The following ZBTB45 variants were observed in gnomAD, a reference collection of about 807,000 sequenced individuals.
ZBTB45 encodes zinc finger and BTB domain-containing protein 45.
In ZBTB45, 22 loss-of-function variants were observed where a neutral mutation model predicts 28.4. The ratio of observed to expected loss-of-function variants is 0.77; its 90% CI spans 0.55 to 1.10. The LOEUF (loss-of-function observed/expected upper bound fraction) is 1.10. Ranked by LOEUF, ZBTB45 falls within the 50% of genes least tolerant of loss-of-function variation. ZBTB45 has a pLI of 0.00. For missense variants in ZBTB45, 656 were observed against 750.2 expected, an observed-to-expected ratio of 0.87 and a Z score of 1.47; for synonymous variants, 361 against 332.3, an observed-to-expected ratio of 1.09 and a Z score of -0.94.
upstream of ZBTB45, among the ~76,000 whole-genome samples, chr19:58,523,354 T>C (rs2053588472): frequency 6.6e-6 from 1 of 152,068 alleles, no homozygotes; most frequent in Admixed American, 6.5e-5. Flanking sequence ...GAGACCACCC[T>C]GGCCAACATG....
chr19:58,513,997 G>A lies in ZBTB45; in HGVS notation c.*57C>T. ...GAACCACGGGTCCCGCAGCGGGCGT[G>A]GCCGACTGTGCGGGAGGCCCCGGAT... On this transcript the variant is annotated 3_prime_UTR_variant, in exon 3 of 3. Transcript: ENST00000594051. The A allele has an allele frequency of 1.5e-6, 2 of 1,353,756 alleles. No individual in the cohort carries two copies. Among genetic ancestry groups the A allele is most frequent in the Non-Finnish European group, 1.9e-6 (2 of 1,058,976 alleles). The allele number at this position is 1,353,756 out of a possible 1,614,324, so 83.9% of individuals were successfully genotyped here.
chr19:58,529,573 T>C (rs1157074331), intron 1 of ZBTB45, among the ~76,000 whole-genome samples: 1 of 152,226 alleles, frequency 6.6e-6, no homozygotes, highest in African/African-American at 2.4e-5. Context: ...TGGAAACCAT[T>C]AACCTAACCT....
intron 1 of ZBTB45, among the ~76,000 whole-genome samples, chr19:58,534,406 A>T (rs994598478): frequency 3.0e-4 from 45 of 151,888 alleles, no homozygotes; most frequent in Admixed American, 7.2e-4. Flanking sequence ...TATTATTATT[A>T]TTTTTTGAGA....
chr19:58,531,585 A>G (rs1195099713), intron 1 of ZBTB45, among the ~76,000 whole-genome samples: 2 of 152,204 alleles, frequency 1.3e-5, no homozygotes, highest in Non-Finnish European at 2.9e-5. Context: ...AGCAAGCAAG[A>G]ACTGGGGCCA....
chr19:58,536,465 CAAAA>C (rs768760907), intron 1 of ZBTB45, among the ~76,000 whole-genome samples: 3 of 76,166 alleles, frequency 3.9e-5, no homozygotes, highest in Non-Finnish European at 2.7e-5. Context: ...GACGCCGTCT[CAAAA>C]AAAAAAAAAA....
chr19:58,516,697 CCTGGGGT>C lies in ZBTB45; in HGVS notation c.970_976del (p.Thr324GlyfsTer223). On this transcript the variant is annotated frameshift_variant, in exon 2 of 3. Coordinates refer to ENST00000594051, the MANE Select transcript of ZBTB45 (RefSeq NM_001316979.2). LOFTEE classifies it high-confidence loss of function. This position sits in a 1 kb window ranked among gnomAD's most constrained non-coding sequence, Gnocchi z 6.2. The stretch of plus-strand genomic sequence containing the variant: ...AAAGGGGAAGAGTGCAACGGGCGGC[CCTGGGGT>C]CTTCACACCAGGCGGGCGGGATCCA... 1 of 1,589,386 alleles carries C rather than the reference CCTGGGGT, an allele frequency of 6.3e-7. No homozygotes were observed. Among genetic ancestry groups the C allele is most frequent in the Non-Finnish European group, 8.6e-7 (1 of 1,166,924 alleles).
intron 1 of ZBTB45, among the ~76,000 whole-genome samples, chr19:58,536,832 G>T (rs909265329): frequency 5.3e-5 from 8 of 152,072 alleles, no homozygotes; most frequent in African/African-American, 1.9e-4. Context: ...GTCCTCAGGT[G>T]GCCTGGGTGC....
At chr19:58,526,953 G>A (rs925542928) in intron 1 of ZBTB45, among the ~76,000 whole-genome samples, 5 of 152,010 alleles carry the variant, frequency 3.3e-5, no homozygotes, top group Non-Finnish European at 5.9e-5. Context: ...TCAGTCTCCC[G>A]AGAAGCTGGG....
chr19:58,535,690 AAAAC>A (rs1156809966), intron 1 of ZBTB45, among the ~76,000 whole-genome samples: 1 of 152,194 alleles, frequency 6.6e-6, no homozygotes, highest in African/African-American at 2.4e-5. Flanking sequence ...TCAATTACCA[AAAAC>A]AAACAAACAA....
intron 1 of ZBTB45, among the ~76,000 whole-genome samples, chr19:58,526,354 C>T (rs903525055): frequency 1.3e-5 from 2 of 151,602 alleles, no homozygotes; most frequent in African/African-American, 4.9e-5. Context: ...GGATTACAGG[C>T]GCCTGCCACC....
intron 1 of ZBTB45, among the ~76,000 whole-genome samples, chr19:58,534,187 T>C (rs368072759): frequency 1.3e-5 from 2 of 151,932 alleles, no homozygotes; most frequent in Admixed American, 6.6e-5. Context: ...AGACAGAAAG[T>C]AGATTAGTGA....
At position 58,513,937 on chromosome 19, in the gene ZBTB45, AC is replaced by A; in HGVS notation, c.*116del. The A allele has an allele frequency of 8.2e-7, 1 of 1,219,196 alleles. No individual in the cohort carries two copies. The highest frequency in any genetic ancestry group is 1.1e-6 in the Non-Finnish European group (1 of 940,150). 75.5% of individuals were successfully genotyped at this position (1,219,196 alleles called of 1,614,324 possible). On this transcript the variant is annotated 3_prime_UTR_variant, in exon 3 of 3. Transcript: ENST00000594051. ...GAGAAAGGGTGAAGGGAGAGAGAGG[AC>A]CTGCGCTCAGGAGGGAGCGTGGTCT...
At chr19:58,524,063 CA>C (rs529087016), upstream of ZBTB45, among the ~76,000 whole-genome samples, 1,249 of 73,182 alleles carry the variant, frequency 0.017, 20 homozygotes, top group African/African-American at 0.07. Context: ...GACTCTGTCT[CA>C]AAAAAAAAAA....
At chr19:58,526,912 C>T (rs568320799) in intron 1 of ZBTB45, among the ~76,000 whole-genome samples, 1 of 152,230 alleles carries the variant, frequency 6.6e-6, no homozygotes, top group South Asian at 2.1e-4. Flanking sequence ...ACTGCAGCCT[C>T]ATCCTCCCAG....
chr19:58,517,883 G>A (rs922313948), intron 1 of ZBTB45, among the ~76,000 whole-genome samples: 6 of 147,588 alleles, frequency 4.1e-5, no homozygotes, highest in African/African-American at 1.5e-4. Context: ...CCTCAGACCT[G>A]GCCAGGCCGT....
At chr19:58,524,792 A>C (rs1600066945), upstream of ZBTB45, among the ~76,000 whole-genome samples, 2 of 151,642 alleles carry the variant, frequency 1.3e-5, no homozygotes, top group East Asian at 3.9e-4. Flanking sequence ...CTGAGGCAGG[A>C]GAATGGCGTG....
Position 58,516,617 on chromosome 19 carries a change from C to G in ZBTB45, c.1057G>C (p.Ala353Pro). 6.4e-7 allele frequency: 1 copy of G among 1,559,902 alleles called. No homozygotes were observed. The highest frequency in any genetic ancestry group is 1.4e-5 in the African/African-American group (1 of 73,906). ...TAGAAGGCGGGTGGGGGCGCAGGGG[C>G]TGGCCCCGATGGTGCTGAAGGGGGT... The part of the protein sequence containing the change: ...APPPSAPSGP[A>P]PAPPPAFYPT... The change falls in exon 2 of 3, where the codon GCC (alanine) becomes CCC (proline). Residue 353 changes from alanine (A) to proline (P), a missense_variant. By Grantham distance (27) the Ala-to-Pro change is conservative. This residue lies in a region of ZBTB45 where 448 missense variants were observed against 444.3 expected (regional missense o/e 1.01). Transcript: ENST00000594051. The surrounding 1 kb of genome is among the most constrained non-coding windows in gnomAD (Gnocchi z 6.2).
At chr19:58,523,811 C>A (rs2053591227), upstream of ZBTB45, among the ~76,000 whole-genome samples, 1 of 129,920 alleles carries the variant, frequency 7.7e-6, no homozygotes, top group Non-Finnish European at 1.7e-5. Context: ...GCTGGGACTA[C>A]AGGCGCCCGC....
chr19:58,530,046 T>C (rs1469295894), intron 1 of ZBTB45, among the ~76,000 whole-genome samples: 1 of 151,852 alleles, frequency 6.6e-6, no homozygotes, highest in African/African-American at 2.4e-5. Context: ...CTACAAAAAA[T>C]ACAAAAATTA....
Sources: allele counts gnomAD v4.1 joint callset (sites outside exome capture counted in the v4.1 genomes callset), GRCh38; gene constraint gnomAD v4.1.1; regional missense constraint gnomAD v4.1.1; non-coding constraint Gnocchi (gnomAD v3.1); transcripts MANE v1.5; gene names NCBI Gene and HGNC (gene_info 2026-07-23, HGNC 2026-07-21).